The following ZNF845 variants were observed in gnomAD, a reference collection of about 807,000 sequenced individuals.
The protein encoded by ZNF845 is zinc finger protein 845.
ZNF845 carries 59 observed loss-of-function variants against 76.1 expected under a neutral mutation model. That is an observed-to-expected ratio of 0.78 (90% CI 0.63 to 0.96). The LOEUF is 0.96. ZNF845 is among the 40% of genes least tolerant of loss of function. ZNF845 has a pLI of 0.00. For missense variants in ZNF845, 1,045 were observed against 1,172.8 expected (o/e 0.89, Z 1.59); for synonymous variants, 361 against 386.9 (o/e 0.93, Z 0.78).
At chr19:53,337,019 A>G in intron 1 of ZNF845, 1 of 443,634 alleles carries the variant, frequency 2.3e-6, no homozygotes, top group South Asian at 1.6e-5. Context: ...GTCCATGTGG[A>G]CAAATGTTGA....
Position 53,352,155 on chromosome 19 carries a change from C to G in ZNF845, c.1480C>G (p.Pro494Ala). Reference sequence around the variant, plus strand: ...TCGTAGACTTCATACTGGAGAGAAACCTTACAAATGTGAAGAATGTGATGA... The same window carrying G: ...TCGTAGACTTCATACTGGAGAGAAAGCTTACAAATGTGAAGAATGTGATGA... ...YHRRLHTGEK[P>A]YKCEECDEAF... is the part of the protein sequence containing the mutation. The change falls in exon 4 of 4, where the codon CCT becomes GCT. Residue 494 changes from proline (P) to alanine (A), a missense_variant. Coordinates refer to ENST00000458035, the MANE Select transcript of ZNF845 (RefSeq NM_138374.3). The G allele has an allele frequency of 6.2e-7, 1 of 1,613,968 alleles. No individual in the cohort carries two copies. Among genetic ancestry groups the G allele is most frequent in the Non-Finnish European group, 8.5e-7 (1 of 1,179,942 alleles).
intron 2 of ZNF845, among the ~76,000 whole-genome samples, chr19:53,341,927 C>G (rs1449578050): frequency 2.0e-5 from 3 of 151,998 alleles, no homozygotes; most frequent in African/African-American, 7.2e-5. Flanking sequence ...GCAGGAGATT[C>G]ATTCAACCAT....
intron 1 of ZNF845, among the ~76,000 whole-genome samples, chr19:53,339,790 A>T (rs2085243436): frequency 6.6e-6 from 1 of 152,226 alleles, no homozygotes; most frequent in South Asian, 2.1e-4. Flanking sequence ...AAGCTATAGT[A>T]TATGCCAGGG....
chr19:53,345,736 G>A, intron 3 of ZNF845, 104 bp downstream of exon 3: 1 of 1,561,372 alleles, frequency 6.4e-7, no homozygotes, highest in South Asian at 1.2e-5. Flanking sequence ...AGGGTGGAGT[G>A]AAATGGTGTG....
At chr19:53,343,505 C>G (rs1379758122) in intron 2 of ZNF845, among the ~76,000 whole-genome samples, 1 of 152,144 alleles carries the variant, frequency 6.6e-6, no homozygotes, top group East Asian at 1.9e-4. Context: ...TCCCCCCTGC[C>G]CCCACCTGCC....
chr19:53,353,265 T>C lies in ZNF845; in HGVS notation c.2590T>C (p.Cys864Arg), dbSNP rs1369396898. Residue 864 changes from cysteine to arginine, a missense_variant, in exon 4 of 4, where the codon TGT (cysteine) becomes CGT (arginine). Cys to Arg is a radical substitution (Grantham distance 180). Coordinates refer to ENST00000458035, the MANE Select transcript of ZNF845 (RefSeq NM_138374.3). ...TGEKPYKCSE[C>R]GKVFNRKANL... is the part of the protein sequence containing the mutation. ...AGAAAAACCTTACAAGTGTAGTGAA[T>C]GTGGCAAGGTTTTTAATAGAAAAGC... 3.7e-6 allele frequency: 6 copies of C among 1,613,896 alleles called. No homozygotes were observed. The highest frequency in any genetic ancestry group is 1.7e-4 in the Middle Eastern group (1 of 6,056).
intron 1 of ZNF845, 33 bp downstream of exon 1, chr19:53,333,825 G>C (rs1010013490): frequency 2.5e-5 from 4 of 158,146 alleles, no homozygotes; most frequent in African/African-American, 9.6e-5. Flanking sequence ...TTAAGTCTGC[G>C]CTTCCCAAGT....
In ZNF845 at chr19:53,353,330, A is replaced by G. The variant is rs759071178; in HGVS notation, c.2655A>G (p.Lys885=). 60 of 1,613,628 alleles carry G rather than the reference A, an allele frequency of 3.7e-5. No individual in the cohort carries two copies. Among genetic ancestry groups the G allele is most frequent in the Non-Finnish European group, 4.8e-5 (57 of 1,179,812 alleles). Reference sequence around the variant, plus strand: ...ATCATAGACTTCATACTGGAGAGAAACCTTACAAGTGTAATAAATGTGGTA... The same window carrying G: ...ATCATAGACTTCATACTGGAGAGAAGCCTTACAAGTGTAATAAATGTGGTA... The part of the protein sequence containing the change: ...SRHHRLHTGE[K]PYKCNKCGKV... Residue 885 remains lysine (K), a synonymous_variant, in exon 4 of 4, where the codon AAA becomes AAG. Coordinates refer to ENST00000458035, the MANE Select transcript of ZNF845 (RefSeq NM_138374.3).
chr19:53,351,409 G>A lies in ZNF845; in HGVS notation c.734G>A (p.Cys245Tyr), dbSNP rs746322112. ...IIHLGAKQYKCDVCGKVFNQK... is the reference protein window; with the variant it reads ...IIHLGAKQYKYDVCGKVFNQK... ...CATTTAGGAGCGAAACAATATAAAT[G>A]TGATGTGTGTGGCAAGGTCTTTAAT... Residue 245 changes from cysteine to tyrosine, a missense_variant, in exon 4 of 4, where the codon TGT becomes TAT. Cys to Tyr is a radical substitution (Grantham distance 194, BLOSUM62 -2). Coordinates refer to ENST00000458035, the MANE Select transcript of ZNF845 (RefSeq NM_138374.3). 1.9e-6 allele frequency: 3 copies of A among 1,614,230 alleles called. No homozygotes were observed. The highest frequency in any genetic ancestry group is 2.2e-5 in the East Asian group (1 of 44,886).
At chr19:53,340,260 C>T (rs2147032803) in intron 1 of ZNF845, among the ~76,000 whole-genome samples, 1 of 152,330 alleles carries the variant, frequency 6.6e-6, no homozygotes, top group South Asian at 2.1e-4. Context: ...CCATGTTGGC[C>T]AGGCTGGTTT....
intron 3 of ZNF845, among the ~76,000 whole-genome samples, chr19:53,347,452 T>G (rs2085304877): frequency 6.6e-6 from 1 of 151,660 alleles, no homozygotes. Context: ...GTTTTTTTTT[T>G]TTTTTTTCTG....
chr19:53,343,075 T>C (rs1227674051), intron 2 of ZNF845, among the ~76,000 whole-genome samples: 1 of 152,124 alleles, frequency 6.6e-6, no homozygotes, highest in African/African-American at 2.4e-5. Flanking sequence ...CACCTTGGCC[T>C]CCCAAAGTGC....
chr19:53,341,448 CT>C (rs1286309044), intron 2 of ZNF845, 126 bp downstream of exon 2: 4 of 1,394,268 alleles, frequency 2.9e-6, no homozygotes, highest in Admixed American at 1.8e-5. Context: ...TCACCCATGC[CT>C]TCCCTCAGTC....
intron 2 of ZNF845, among the ~76,000 whole-genome samples, chr19:53,342,154 G>A (rs566193982): frequency 6.0e-5 from 9 of 150,742 alleles, no homozygotes; most frequent in Admixed American, 2.0e-4. Context: ...TTGCTTTGTC[G>A]CCCAGGCTGA....
rs961685591 is a variant in ZNF845 at position 53,354,760 on chromosome 19, ATTAT to A, written c.*1178_*1181del. On this transcript the variant is annotated 3_prime_UTR_variant, in exon 4 of 4. Coordinates refer to ENST00000458035, the MANE Select transcript of ZNF845 (RefSeq NM_138374.3). ...AGTGTGTTCATAAGTTTCTTTAAAC[ATTAT>A]TTATTGTTAATGTAAGGAAATTCAA... 12 of 152,190 alleles carry A rather than the reference ATTAT, an allele frequency of 7.9e-5. No homozygotes were observed. Among genetic ancestry groups the A allele is most frequent in the Admixed American group, 6.5e-4 (10 of 15,284 alleles). The allele number at this position is 152,190 out of a possible 1,614,324, so 9.4% of individuals were successfully genotyped here.
chr19:53,354,300 A>G lies in ZNF845; in HGVS notation c.*712A>G, dbSNP rs2085368669. On this transcript the variant is annotated 3_prime_UTR_variant, in exon 4 of 4. Transcript: ENST00000458035. Reference sequence around the variant, plus strand: ...ACCATCAAGCATTAATTGGCATTAGAGTCAATTCAGCATTGACTTGAGTTT... The same window carrying G: ...ACCATCAAGCATTAATTGGCATTAGGGTCAATTCAGCATTGACTTGAGTTT... 8 of 404,878 alleles carry G rather than the reference A, an allele frequency of 2.0e-5. No individual in the cohort carries two copies. Among genetic ancestry groups the G allele is most frequent in the South Asian group, 1.6e-4 (8 of 50,666 alleles). The allele number at this position is 404,878 out of a possible 1,614,324, so 25.1% of individuals were successfully genotyped here. A position where few individuals can be genotyped will look rare whatever the true frequency, so the allele number is the denominator to read the frequency against.
At chr19:53,347,644 T>A (rs1599981771) in intron 3 of ZNF845, among the ~76,000 whole-genome samples, 1 of 152,314 alleles carries the variant, frequency 6.6e-6, no homozygotes, top group South Asian at 2.1e-4. Context: ...CTTCAAGTAT[T>A]GCAATAGTAC....
At chr19:53,341,389 G>C in intron 2 of ZNF845, 67 bp downstream of exon 2, 2 of 1,606,408 alleles carry the variant, frequency 1.2e-6, no homozygotes, top group Non-Finnish European at 8.5e-7. Context: ...CTTGGAGTTG[G>C]GAATCTTCTC....
rs2085375273 is a variant in ZNF845, at chr19:53,355,066, T to C, written c.*1478T>C. ...CTGAGATTACAGGTGCCTGCCACCA[T>C]GTCCGTATAATTTTTTTGTATTTTT... On this transcript the variant is annotated 3_prime_UTR_variant, in exon 4 of 4. Transcript: ENST00000458035. 1 of 151,934 alleles carries C rather than the reference T, an allele frequency of 6.6e-6. No homozygotes were observed. The highest frequency in any genetic ancestry group is 2.1e-4 in the South Asian group (1 of 4,820). The allele number at this position is 151,934 out of a possible 1,614,324, so 9.4% of individuals were successfully genotyped here.
Sources: gnomAD v4.1 joint callset for allele counts (sites outside exome capture counted in the v4.1 genomes callset) on GRCh38, gnomAD v4.1.1 for gene constraint, MANE v1.5 for transcripts, NCBI Gene and HGNC (gene_info 2026-07-23, HGNC 2026-07-21) for gene names.